Variants in SCIN observed in about 807,000 individuals in gnomAD.
SCIN encodes the protein scinderin.
SCIN carries 91 observed loss-of-function variants against 91.8 expected under a neutral mutation model. That is an observed-to-expected ratio of 0.99 (90% CI 0.84 to 1.18). The LOEUF (loss-of-function observed/expected upper bound fraction) is 1.18. SCIN is among the 50% of genes most tolerant of loss of function. The pLI is 0.00. For synonymous variants in SCIN, 367 were observed against 312.6 expected, an observed-to-expected ratio of 1.17 and a Z score of -1.84; for missense variants, 1,087 against 863.9, an observed-to-expected ratio of 1.26 and a Z score of -3.24.
At chr7:12,578,432 G>A (rs1782419321) in intron 2 of SCIN, among the ~76,000 whole-genome samples, 1 of 152,146 alleles carries the variant, frequency 6.6e-6, no homozygotes, top group South Asian at 2.1e-4. Flanking sequence ...TACAATATGT[G>A]AAATATTGTG....
intron 3 of SCIN, among the ~76,000 whole-genome samples, chr7:12,601,212 G>C (rs560078694): frequency 6.6e-6 from 1 of 152,204 alleles, no homozygotes; most frequent in Non-Finnish European, 1.5e-5. Flanking sequence ...GTTAAGCGGG[G>C]GTCAGAGAGA....
chr7:12,641,063 T>C (rs1312944002), intron 11 of SCIN, among the ~76,000 whole-genome samples: 1 of 152,164 alleles, frequency 6.6e-6, no homozygotes. Flanking sequence ...CCCAGGTTTT[T>C]AAATGGCTAA....
At position 12,658,021 on chromosome 7, in the gene SCIN, C is replaced by A. The variant is rs1200412037; in HGVS notation, c.*5306C>A. On this transcript the variant is annotated 3_prime_UTR_variant, in exon 16 of 16. Transcript: ENST00000297029. ...AAAATGACACCTTTACTAAAAATGT[C>A]TCATCATAAATTGTTTTCCATTATT... 6.6e-6 allele frequency: 1 copy of A among 151,982 alleles called. No homozygotes were observed. Among genetic ancestry groups the A allele is most frequent in the Non-Finnish European group, 1.5e-5 (1 of 67,988 alleles). 9.4% of individuals were successfully genotyped at this position (151,982 alleles called of 1,614,324 possible). A position where few individuals can be genotyped will look rare whatever the true frequency, so the allele number is the denominator to read the frequency against.
chr7:12,617,393 C>G (rs1203892448), intron 4 of SCIN, among the ~76,000 whole-genome samples: 1 of 152,012 alleles, frequency 6.6e-6, no homozygotes, highest in African/African-American at 2.4e-5. Flanking sequence ...AGGGAGGTGT[C>G]AAAAAGACAA....
intron 3 of SCIN, among the ~76,000 whole-genome samples, chr7:12,596,578 C>T (rs1300822107): frequency 6.6e-6 from 1 of 152,194 alleles, no homozygotes; most frequent in African/African-American, 2.4e-5. Flanking sequence ...GCGTAACTAC[C>T]TGTAACAATA....
At chr7:12,636,008 A>G (rs1462553499) in intron 9 of SCIN, 37 bp from the exon 10 acceptor site, 1 of 1,520,352 alleles carries the variant, frequency 6.6e-7, no homozygotes, top group Non-Finnish European at 9.1e-7. Flanking sequence ...CTTAAAACTT[A>G]AAGGCAAGCT....
intron 6 of SCIN, 77 bp from the exon 7 acceptor site, chr7:12,625,685 G>T: frequency 2.9e-6 from 3 of 1,021,732 alleles, no homozygotes; most frequent in East Asian, 2.5e-5. Context: ...TGTTTATTAT[G>T]GTACACAAGT....
chr7:12,644,387 CA>C (rs1783916872), intron 12 of SCIN, 72 bp downstream of exon 12: 1 of 1,490,422 alleles, frequency 6.7e-7, no homozygotes, highest in Non-Finnish European at 9.0e-7. Context: ...TTTTTTTCAC[CA>C]AAAAGTCACT....
At chr7:12,632,128 T>TA (rs1237839672) in intron 9 of SCIN, among the ~76,000 whole-genome samples, 12 of 145,728 alleles carry the variant, frequency 8.2e-5, no homozygotes, top group African/African-American at 3.2e-4. Context: ...TATTTTATTT[T>TA]ATTTTATTTT....
intron 1 of SCIN, among the ~76,000 whole-genome samples, chr7:12,572,769 G>C (rs1782295007): frequency 6.6e-6 from 1 of 152,134 alleles, no homozygotes; most frequent in South Asian, 2.1e-4. Context: ...TAATCTTAAA[G>C]ACATGCTAAA....
At chr7:12,634,301 C>T (rs541142417) in intron 9 of SCIN, among the ~76,000 whole-genome samples, 4 of 152,026 alleles carry the variant, frequency 2.6e-5, no homozygotes, top group African/African-American at 9.7e-5. Context: ...GCCTGACCAA[C>T]ATGGAGAAAT....
intron 11 of SCIN, among the ~76,000 whole-genome samples, chr7:12,643,357 C>T (rs1344559044): frequency 1.3e-5 from 2 of 152,148 alleles, no homozygotes; most frequent in Non-Finnish European, 2.9e-5. Flanking sequence ...ATCCATCATC[C>T]GGGCTCTTTC....
chr7:12,590,577 G>T (rs2108553), intron 3 of SCIN, among the ~76,000 whole-genome samples: 45 of 151,710 alleles, frequency 3.0e-4, no homozygotes, highest in Admixed American at 7.9e-4. Context: ...AAAGGAGGCT[G>T]CTTGCTGTAT....
intron 10 of SCIN, among the ~76,000 whole-genome samples, chr7:12,636,541 A>G: frequency 6.6e-6 from 1 of 152,160 alleles, no homozygotes; most frequent in Non-Finnish European, 1.5e-5. Flanking sequence ...GATATGTTAC[A>G]AAGCAAAGGA....
At chr7:12,582,753 C>T (rs918471932) in intron 3 of SCIN, among the ~76,000 whole-genome samples, 1 of 152,072 alleles carries the variant, frequency 6.6e-6, no homozygotes, top group Non-Finnish European at 1.5e-5. Context: ...CCTACCGCCA[C>T]CACCCCCTAC....
At chr7:12,635,377 C>T (rs571313816) in intron 9 of SCIN, among the ~76,000 whole-genome samples, 287 of 150,982 alleles carry the variant, frequency 1.9e-3, no homozygotes, top group Middle Eastern at 0.01. Context: ...TTTGGGAGGC[C>T]GAGGTGGGCA....
At position 12,657,698 on chromosome 7, in the gene SCIN, G is replaced by A. The variant is rs1375206502; in HGVS notation, c.*4983G>A. 6.8e-6 allele frequency: 1 copy of A among 147,940 alleles called. No individual in the cohort carries two copies. The highest frequency in any genetic ancestry group is 2.5e-5 in the African/African-American group (1 of 40,448). The allele number at this position is 147,940 out of a possible 1,614,324, so 9.2% of individuals were successfully genotyped here. On this transcript the variant is annotated 3_prime_UTR_variant, in exon 16 of 16. Transcript: ENST00000297029. ...TATTATTTTCCCTTGGGCCTTTGCA[G>A]CCTGTGTTGTTTTTCTCTTTTTCAT...
chr7:12,582,039 T>G (rs1482600368), intron 3 of SCIN, among the ~76,000 whole-genome samples: 2 of 152,160 alleles, frequency 1.3e-5, no homozygotes, highest in Non-Finnish European at 2.9e-5. Flanking sequence ...ACACCATACA[T>G]CTCAACATTC....
chr7:12,623,071 C>G (rs1165527475), intron 5 of SCIN, among the ~76,000 whole-genome samples, 178 bp downstream of exon 5: 6 of 151,984 alleles, frequency 3.9e-5, no homozygotes, highest in Non-Finnish European at 8.8e-5. Context: ...AGTTTTAATA[C>G]TTTTTGTTAT....
Sources: allele counts gnomAD v4.1 joint callset (sites outside exome capture counted in the v4.1 genomes callset), GRCh38; gene constraint gnomAD v4.1.1; transcripts MANE v1.5; gene names NCBI Gene and HGNC (gene_info 2026-07-23, HGNC 2026-07-21).